Variants in SPIRE1 observed in about 807,000 individuals in gnomAD.
The protein encoded by SPIRE1 is spire type actin nucleation factor 1.
Under a neutral mutation model 94.1 loss-of-function variants are expected in SPIRE1, and 40 were observed. The ratio of observed to expected loss-of-function variants is 0.43; its 90% CI spans 0.33 to 0.55. The LOEUF (loss-of-function observed/expected upper bound fraction) is 0.55. SPIRE1 is among the 20% of genes least tolerant of loss of function. The pLI is 0.06. For synonymous variants in SPIRE1, 376 were observed against 371.7 expected (o/e 1.01, Z -0.13); for missense variants, 838 against 975.2 (o/e 0.86, Z 1.87).
In SPIRE1 at chr18:12,485,948, G is replaced by GT. The variant is rs760928298; in HGVS notation, c.1231+10dup. ...CCACGTCAGGTGTAAAAGTGTTTTTGTTTTTTTTACCTGACAAGTCAAAAC... is the reference window on the plus strand; with the variant it reads ...CCACGTCAGGTGTAAAAGTGTTTTTGTTTTTTTTTACCTGACAAGTCAAAAC... On this transcript the variant is annotated intron_variant, in intron 9 of 16. Transcript: ENST00000409402. 1.2e-4 allele frequency: 178 copies of GT among 1,525,844 alleles called. 1 individual carries two copies. The highest frequency in any genetic ancestry group is 1.7e-4 in the Middle Eastern group (1 of 5,908). 94.5% of individuals were successfully genotyped at this position (1,525,844 alleles called of 1,614,324 possible). A position where few individuals can be genotyped will look rare whatever the true frequency, so the allele number is the denominator to read the frequency against.
intron 2 of SPIRE1, among the ~76,000 whole-genome samples, chr18:12,595,903 C>G (rs2036658409): frequency 1.3e-5 from 2 of 152,286 alleles, no homozygotes; most frequent in South Asian, 4.1e-4. Flanking sequence ...TCCCACATCA[C>G]CTTGACCTAT....
intron 2 of SPIRE1, among the ~76,000 whole-genome samples, chr18:12,604,581 C>A (rs1026684648): frequency 6.6e-6 from 1 of 152,168 alleles, no homozygotes; most frequent in African/African-American, 2.4e-5. Flanking sequence ...ATGATGGCCT[C>A]CGGAGTTTGC....
intron 5 of SPIRE1, among the ~76,000 whole-genome samples, chr18:12,506,907 C>T (rs1050204649): frequency 2.6e-5 from 4 of 152,172 alleles, no homozygotes; most frequent in African/African-American, 9.7e-5. Flanking sequence ...GTTCTTCATG[C>T]TTTCCTGTGT....
intron 12 of SPIRE1, among the ~76,000 whole-genome samples, chr18:12,458,454 A>G: frequency 6.6e-6 from 1 of 151,618 alleles, no homozygotes; most frequent in Non-Finnish European, 1.5e-5. Flanking sequence ...TACTAAAAAT[A>G]CAAAAAAAAA....
intron 2 of SPIRE1, among the ~76,000 whole-genome samples, chr18:12,556,428 C>A (rs962524444): frequency 1.3e-5 from 2 of 152,176 alleles, no homozygotes; most frequent in African/African-American, 2.4e-5. Context: ...ACAAATAACA[C>A]TGTGTCCGGA....
rs149147565 is a variant in SPIRE1, at chr18:12,453,788, A to C, written c.1776+558T>G. ...TTAAAAGTGTAATGACTAAATGCAC[A>C]CATGGCTTTTTTATTGAGACGGAGT... is the stretch of plus-strand genomic sequence containing the variant. On this transcript the variant is annotated intron_variant, in intron 13 of 16. Coordinates refer to ENST00000409402, the MANE Select transcript of SPIRE1 (RefSeq NM_001128626.2). Among the ~76,000 whole-genome samples the C allele has an allele frequency of 8.5e-3, 1,283 of 151,378 alleles. 4 individuals carry two copies. The highest frequency in any genetic ancestry group is 0.014 in the Non-Finnish European group (958 of 67,818).
At chr18:12,495,796 T>TC (rs913416227) in intron 7 of SPIRE1, among the ~76,000 whole-genome samples, 2 of 152,104 alleles carry the variant, frequency 1.3e-5, no homozygotes, top group African/African-American at 2.4e-5. Context: ...GAGGCTGAGG[T>TC]GGGAGGATCA....
At chr18:12,652,002 T>C (rs2038392543) in intron 1 of SPIRE1, among the ~76,000 whole-genome samples, 1 of 152,168 alleles carries the variant, frequency 6.6e-6, no homozygotes, top group Non-Finnish European at 1.5e-5. Context: ...TCTTTATACA[T>C]CTAAACTAAA....
intron 4 of SPIRE1, among the ~76,000 whole-genome samples, chr18:12,534,880 A>G (rs1361941254): frequency 1.3e-5 from 2 of 152,114 alleles, no homozygotes; most frequent in Admixed American, 6.6e-5. Context: ...CTATATGTCT[A>G]TATATCCCAT....
chr18:12,631,548 C>CAAAAAAAAAAAAAAAAAAAAAAAAAAAA (rs869278182), intron 2 of SPIRE1, among the ~76,000 whole-genome samples: 1 of 63,804 alleles, frequency 1.6e-5, no homozygotes, highest in African/African-American at 6.9e-5. Flanking sequence ...CCCATCTCTA[C>CAAAAAAAAAAAAAAAAAAAAAAAAAAAA]AAAAAAAAAA....
intron 2 of SPIRE1, among the ~76,000 whole-genome samples, chr18:12,632,378 C>T (rs1444795181): frequency 1.3e-5 from 2 of 152,128 alleles, no homozygotes; most frequent in African/African-American, 4.8e-5. Flanking sequence ...AATGGCCCAT[C>T]GTCTCTAACC....
intron 1 of SPIRE1, among the ~76,000 whole-genome samples, chr18:12,656,417 T>C (rs766774510): frequency 5.3e-5 from 8 of 152,256 alleles, no homozygotes; most frequent in Admixed American, 6.5e-5. Context: ...GATAAAAGCA[T>C]GTAAATAAAA....
Position 12,493,069 on chromosome 18 carries a change from C to A in SPIRE1, c.1189+3G>T. The A allele has an allele frequency of 6.2e-7, 1 of 1,609,302 alleles. No homozygotes were observed. Among genetic ancestry groups the A allele is most frequent in the South Asian group, 1.1e-5 (1 of 90,002 alleles). On this transcript the variant is annotated splice_donor_region_variant and intron_variant, in intron 8 of 16. Coordinates refer to ENST00000409402, the MANE Select transcript of SPIRE1 (RefSeq NM_001128626.2). Reference sequence around the variant, plus strand: ...GACTGAGTACAGGAAGCAGTGGACTCACCTAATCTGCTACGTCTAATCTCC... The same window carrying A: ...GACTGAGTACAGGAAGCAGTGGACTAACCTAATCTGCTACGTCTAATCTCC...
At chr18:12,489,352 T>A (rs2033151601) in intron 8 of SPIRE1, among the ~76,000 whole-genome samples, 1 of 152,240 alleles carries the variant, frequency 6.6e-6, no homozygotes, top group Admixed American at 6.5e-5. Flanking sequence ...GTATTACATA[T>A]TATCACAGCA....
chr18:12,633,776 C>T (rs1463100492), intron 2 of SPIRE1, among the ~76,000 whole-genome samples: 2 of 152,054 alleles, frequency 1.3e-5, no homozygotes, highest in Non-Finnish European at 2.9e-5. Flanking sequence ...TTTATTTGGG[C>T]ATTGCCACTA....
In SPIRE1 at chr18:12,556,429, T is replaced by C. The variant is rs139276262; in HGVS notation, c.373-9525A>G. Among the ~76,000 whole-genome samples, 174 of 152,318 alleles carry C rather than the reference T, an allele frequency of 1.1e-3. 1 individual carries two copies. Among genetic ancestry groups the C allele is most frequent in the East Asian group, 6.7e-3 (35 of 5,190 alleles). On this transcript the variant is annotated intron_variant, in intron 2 of 16. Transcript: ENST00000409402. ...AATACTACAAATATACAAATAACAC[T>C]GTGTCCGGAATTGGTGGGTTCTTGG...
chr18:12,552,712 C>G (rs567843258), intron 2 of SPIRE1, among the ~76,000 whole-genome samples: 2 of 152,074 alleles, frequency 1.3e-5, no homozygotes, highest in African/African-American at 2.4e-5. Context: ...TCACGTACCC[C>G]CTGCTTGCTC....
At chr18:12,459,235 C>T (rs1156859466) in intron 12 of SPIRE1, among the ~76,000 whole-genome samples, 1 of 152,234 alleles carries the variant, frequency 6.6e-6, no homozygotes, top group East Asian at 1.9e-4. Flanking sequence ...AAGTGACGTA[C>T]ACACCCTGGT....
chr18:12,505,840 C>T (rs1166297507), intron 6 of SPIRE1, among the ~76,000 whole-genome samples: 1 of 152,008 alleles, frequency 6.6e-6, no homozygotes, highest in Admixed American at 6.5e-5. Flanking sequence ...TATATAATGA[C>T]ATGGAAAAAA....
Sources: gnomAD v4.1 joint callset for allele counts (sites outside exome capture counted in the v4.1 genomes callset) on GRCh38, gnomAD v4.1.1 for gene constraint, MANE v1.5 for transcripts, NCBI Gene and HGNC (gene_info 2026-07-23, HGNC 2026-07-21) for gene names.